The following SNTG1 variants were observed in gnomAD, a reference collection of about 807,000 sequenced individuals.
SNTG1 encodes gamma-1-syntrophin.
A neutral mutation model predicts 74.7 loss-of-function variants in SNTG1; 39 were observed. The observed-to-expected ratio is 0.52, with a 90% CI of 0.40 to 0.68. The LOEUF (loss-of-function observed/expected upper bound fraction) is 0.68. SNTG1 is among the 30% of genes least tolerant of loss of function. SNTG1 has a pLI of 0.00. For missense variants in SNTG1, 685 were observed against 609.5 expected (o/e 1.12, Z -1.30); for synonymous variants, 254 against 217.1 (o/e 1.17, Z -1.49).
chr8:50,543,459 G>A (rs1563550398), intron 11 of SNTG1, among the ~76,000 whole-genome samples: 1 of 151,916 alleles, frequency 6.6e-6, no homozygotes, highest in Admixed American at 6.6e-5. Flanking sequence ...TGTTGTTGTT[G>A]TTGCTGTTGT....
rs1563846331 is a variant in SNTG1 at position 50,286,490 on chromosome 8, GGAA to G, written c.-27-107721_-27-107719del. 2.0e-5 allele frequency: 3 copies of G among 152,124 alleles called. No homozygotes were observed. The East Asian group carries it at 5.8e-4, about 29-fold the overall frequency. 9.4% of individuals were successfully genotyped at this position (152,124 alleles called of 1,614,324 possible). On this transcript the variant is annotated intron_variant, in intron 2 of 18. Transcript: ENST00000642720. ...TTCGTTTCTACTTCTATCCAAATGG[GGAA>G]ACATAATGATAGTAACCACATTTTT...
At chr8:50,386,198 T>C (rs956324580) in intron 2 of SNTG1, among the ~76,000 whole-genome samples, 1 of 152,068 alleles carries the variant, frequency 6.6e-6, no homozygotes, top group Non-Finnish European at 1.5e-5. Context: ...ACATACAATG[T>C]GTTCACAGAC....
In SNTG1 at chr8:50,001,724, T is replaced by C. The variant is rs139144385; in HGVS notation, c.-103+89493T>C. Among the ~76,000 whole-genome samples, 236 of 152,266 alleles carry C rather than the reference T, an allele frequency of 1.5e-3. 4 individuals carry two copies. The East Asian group carries it at 0.032, about 21-fold the overall frequency. On this transcript the variant is annotated intron_variant, in intron 1 of 18. Coordinates refer to ENST00000642720, the MANE Select transcript of SNTG1 (RefSeq NM_018967.5). Reference sequence around the variant, plus strand: ...TGCACCAATAACTTCCCTCTGAGAATCAGGAAGTAGCACTCTGCTAAAGTG... The same window carrying C: ...TGCACCAATAACTTCCCTCTGAGAACCAGGAAGTAGCACTCTGCTAAAGTG...
chr8:50,447,938 G>A (rs2093421371), intron 5 of SNTG1, among the ~76,000 whole-genome samples: 1 of 152,218 alleles, frequency 6.6e-6, no homozygotes, highest in Middle Eastern at 3.4e-3. Context: ...CTTAATACAT[G>A]GGCTGTGTTA....
intron 13 of SNTG1, among the ~76,000 whole-genome samples, chr8:50,632,033 T>C (rs1384830): frequency 0.23 from 34,351 of 152,100 alleles, 8,704 homozygotes; most frequent in African/African-American, 0.62. Context: ...TACTTCAAAA[T>C]GAGGTCACTT....
chr8:49,927,275 C>T (rs1175527635), intron 1 of SNTG1, among the ~76,000 whole-genome samples: 1 of 152,140 alleles, frequency 6.6e-6, no homozygotes, highest in African/African-American at 2.4e-5. Context: ...TATTTGAAAA[C>T]TTACGTCCAG....
intron 9 of SNTG1, among the ~76,000 whole-genome samples, chr8:50,518,841 C>T (rs2094155660): frequency 6.6e-6 from 1 of 152,150 alleles, no homozygotes; most frequent in South Asian, 2.1e-4. Context: ...AAGCCCAAGA[C>T]CAGTTGGGTT....
At chr8:50,091,456 C>A (rs543983013) in intron 1 of SNTG1, among the ~76,000 whole-genome samples, 74 of 152,152 alleles carry the variant, frequency 4.9e-4, no homozygotes, top group African/African-American at 1.3e-3. Flanking sequence ...CTGCAACTCC[C>A]AATCCCTGGT....
At chr8:50,569,684 G>C (rs2094536280) in intron 12 of SNTG1, among the ~76,000 whole-genome samples, 1 of 152,192 alleles carries the variant, frequency 6.6e-6, no homozygotes, top group African/African-American at 2.4e-5. Context: ...GTGATTAGAG[G>C]TTGTGGAGTG....
intron 10 of SNTG1, among the ~76,000 whole-genome samples, chr8:50,534,565 G>A (rs976899764): frequency 2.2e-4 from 33 of 152,154 alleles, no homozygotes; most frequent in African/African-American, 7.7e-4. Context: ...TGGATCACCT[G>A]AGGTCAAGAG....
chr8:50,465,926 G>C (rs554896111), intron 8 of SNTG1, among the ~76,000 whole-genome samples: 2 of 152,050 alleles, frequency 1.3e-5, no homozygotes, highest in Non-Finnish European at 2.9e-5. Flanking sequence ...TTTATGTGTG[G>C]ACATATTTTT....
chr8:50,469,830 T>G (rs1407509933), intron 8 of SNTG1, among the ~76,000 whole-genome samples: 1 of 152,036 alleles, frequency 6.6e-6, no homozygotes, highest in Admixed American at 6.6e-5. Flanking sequence ...AATACAAAAA[T>G]TAGCCAGGCG....
intron 1 of SNTG1, among the ~76,000 whole-genome samples, chr8:50,138,206 G>A (rs530198485): frequency 1.6e-4 from 24 of 151,892 alleles, no homozygotes; most frequent in Non-Finnish European, 2.6e-4. Context: ...CCCAACCCCT[G>A]AAATTCACAC....
chr8:50,511,982 C>T (rs1400944612), intron 9 of SNTG1, among the ~76,000 whole-genome samples: 3 of 151,870 alleles, frequency 2.0e-5, no homozygotes, highest in African/African-American at 7.2e-5. Flanking sequence ...TTATTTTGCT[C>T]GTTAGTTGAT....
At chr8:50,440,543 A>G (rs1004865991) in intron 5 of SNTG1, among the ~76,000 whole-genome samples, 1 of 152,186 alleles carries the variant, frequency 6.6e-6, no homozygotes, top group Non-Finnish European at 1.5e-5. Context: ...AAACTTTTTT[A>G]AAAATATCAT....
At chr8:50,070,466 C>T (rs1026640517) in intron 1 of SNTG1, among the ~76,000 whole-genome samples, 1 of 151,748 alleles carries the variant, frequency 6.6e-6, no homozygotes, top group Non-Finnish European at 1.5e-5. Flanking sequence ...GATTTTTTTT[C>T]CTCTTAGAAA....
At chr8:50,473,121 G>A (rs546596509) in intron 8 of SNTG1, among the ~76,000 whole-genome samples, 1 of 152,142 alleles carries the variant, frequency 6.6e-6, no homozygotes, top group Non-Finnish European at 1.5e-5. Flanking sequence ...CAAGTGTCAA[G>A]GGAGAAACCA....
chr8:49,965,565 T>C (rs763266293), intron 1 of SNTG1, among the ~76,000 whole-genome samples: 19 of 152,190 alleles, frequency 1.2e-4, no homozygotes, highest in Non-Finnish European at 2.6e-4. Context: ...CAATAGTCTC[T>C]AGGGAAATGT....
At chr8:50,613,321 A>G (rs559923715) in intron 13 of SNTG1, among the ~76,000 whole-genome samples, 1 of 152,196 alleles carries the variant, frequency 6.6e-6, no homozygotes, top group African/African-American at 2.4e-5. Context: ...TGGAACAAGT[A>G]AAATATGTGT....
Sources: allele counts gnomAD v4.1 joint callset (sites outside exome capture counted in the v4.1 genomes callset), GRCh38; gene constraint gnomAD v4.1.1; transcripts MANE v1.5; gene names NCBI Gene and HGNC (gene_info 2026-07-23, HGNC 2026-07-21).